The following AJAP1 variants were observed in gnomAD, a reference collection of about 807,000 sequenced individuals.
AJAP1 encodes the protein adherens junctions associated protein 1, also known as adherens junction-associated protein 1.
A neutral mutation model predicts 35.0 loss-of-function variants in AJAP1; 5 were observed. The observed-to-expected ratio is 0.14, with a 90% CI of 0.07 to 0.30. The LOEUF (loss-of-function observed/expected upper bound fraction) is 0.30, where lower values mean the gene tolerates loss of function less well. Ranked by LOEUF, AJAP1 falls within the 10% of genes least tolerant of loss-of-function variation. The probability of loss-of-function intolerance (pLI) is 1.00; values close to 1 mark genes in which losing one functional copy is unlikely to be tolerated. For synonymous variants in AJAP1, 284 were observed against 249.3 expected (o/e 1.14, Z -1.31); for missense variants, 586 against 571.0 (o/e 1.03, Z -0.27).
intron 1 of AJAP1, among the ~76,000 whole-genome samples, chr1:4,673,753 G>A (rs1272421788): frequency 2.0e-5 from 3 of 152,146 alleles, no homozygotes; most frequent in African/African-American, 7.2e-5. Context: ...TCTGGCTCTG[G>A]CTTGGTCAAT....
At position 4,712,043 on chromosome 1, in the gene AJAP1, C is replaced by T. The variant is rs766652336; in HGVS notation, c.173C>T (p.Pro58Leu). 2.5e-6 allele frequency: 4 copies of T among 1,588,800 alleles called. No homozygotes were observed. Among genetic ancestry groups the T allele is most frequent in the African/African-American group, 1.4e-5 (1 of 72,346 alleles). The change falls in exon 2 of 6, where the codon CCC (proline) becomes CTC (leucine). Residue 58 changes from proline (P) to leucine (L), a missense_variant. Pro to Leu is a moderately conservative substitution (Grantham distance 98). Transcript: ENST00000378191. ...TTCTGGCTCCTGCCGCGGTCGCCGC[C>T]CCGGCCGCCCCGGCTGTGGAGTTTT... is the stretch of plus-strand genomic sequence containing the variant. Reference protein sequence around the residue: ...PEFWLLPRSPPRPPRLWSFRS... With the variant: ...PEFWLLPRSPLRPPRLWSFRS...
rs775511396 is a variant in AJAP1, at chr1:4,712,213, G to A, written c.343G>A (p.Ala115Thr). 11 of 1,556,588 alleles carry A rather than the reference G, an allele frequency of 7.1e-6. No homozygotes were observed. The highest frequency in any genetic ancestry group is 2.4e-5 in the South Asian group (2 of 82,722). The stretch of plus-strand genomic sequence containing the variant: ...CCAGGCGGCCGCCCTCGTGCCCAAG[G>A]CAGGACTGGCCAAGCCCCCAGCTGC... ...RDQAAALVPK[A>T]GLAKPPAAAK... The change falls in exon 2 of 6, where the codon GCA (alanine) becomes ACA (threonine). Residue 115 changes from alanine (A) to threonine (T), a missense_variant. By Grantham distance (58) the Ala-to-Thr change is moderately conservative. Coordinates refer to ENST00000378191, the MANE Select transcript of AJAP1 (RefSeq NM_018836.4).
At chr1:4,717,119 A>C (rs2100275658) in intron 2 of AJAP1, among the ~76,000 whole-genome samples, 1 of 152,344 alleles carries the variant, frequency 6.6e-6, no homozygotes, top group East Asian at 1.9e-4. Context: ...ATCTGGAATC[A>C]CAGAGTCTCC....
At chr1:4,726,570 C>A (rs1431850549) in intron 2 of AJAP1, among the ~76,000 whole-genome samples, 1 of 151,978 alleles carries the variant, frequency 6.6e-6, no homozygotes, top group Admixed American at 6.5e-5. Context: ...TTCTGAACAC[C>A]CAGAGAAGGT....
chr1:4,697,109 A>G (rs977441660), intron 1 of AJAP1, among the ~76,000 whole-genome samples: 42 of 152,098 alleles, frequency 2.8e-4, no homozygotes, highest in African/African-American at 9.4e-4. Context: ...ATATGCATGT[A>G]TCACTCAGGT....
chr1:4,680,153 T>A lies in AJAP1; in HGVS notation c.29+24699T>A, dbSNP rs111271411. Among the ~76,000 whole-genome samples, 3 of 152,226 alleles carry A rather than the reference T, an allele frequency of 2.0e-5. No homozygotes were observed. In the East Asian group the frequency reaches 5.8e-4, roughly 29 times the overall value. On this transcript the variant is annotated intron_variant, in intron 1 of 5. Transcript: ENST00000378191. ...TGTCAGTCTTCTATCCAGGCCTTCA[T>A]CTGATTGGATGAAGCCCACCCACAT...
At chr1:4,658,714 G>C (rs1638937145) in intron 1 of AJAP1, among the ~76,000 whole-genome samples, 1 of 152,194 alleles carries the variant, frequency 6.6e-6, no homozygotes, top group Non-Finnish European at 1.5e-5. Context: ...TGGAGGAGCT[G>C]ATGGCAGACT....
intron 2 of AJAP1, among the ~76,000 whole-genome samples, chr1:4,746,332 A>T (rs906188296): frequency 7.2e-5 from 11 of 152,104 alleles, no homozygotes; most frequent in African/African-American, 2.7e-4. Flanking sequence ...GGCAATTGAG[A>T]TCCTTAGCTA....
At chr1:4,707,750 A>C (rs961872679) in intron 1 of AJAP1, among the ~76,000 whole-genome samples, 4 of 152,080 alleles carry the variant, frequency 2.6e-5, no homozygotes, top group African/African-American at 9.7e-5. Context: ...TCATGTGGAC[A>C]GATGTCTGTG....
intron 2 of AJAP1, among the ~76,000 whole-genome samples, chr1:4,760,153 C>T (rs1483843527): frequency 2.0e-5 from 3 of 151,994 alleles, no homozygotes; most frequent in Admixed American, 6.6e-5. Context: ...TTACACAAGC[C>T]AAAAATTCAG....
intron 2 of AJAP1, among the ~76,000 whole-genome samples, chr1:4,735,513 T>C (rs1269941847): frequency 6.6e-6 from 1 of 152,226 alleles, no homozygotes; most frequent in Admixed American, 6.5e-5. Flanking sequence ...AGCTTTATTC[T>C]GCCTGTGGCA....
At chr1:4,657,150 A>T (rs943300713) in intron 1 of AJAP1, among the ~76,000 whole-genome samples, 9 of 152,202 alleles carry the variant, frequency 5.9e-5, no homozygotes, top group African/African-American at 1.7e-4. Flanking sequence ...GTACATTTTG[A>T]TAAAGGGAGA....
chr1:4,729,102 C>T (rs1473446234), intron 2 of AJAP1, among the ~76,000 whole-genome samples: 1 of 152,234 alleles, frequency 6.6e-6, no homozygotes, highest in Non-Finnish European at 1.5e-5. Context: ...ATGAATTATA[C>T]ATCAACACCA....
At position 4,693,546 on chromosome 1, in the gene AJAP1, A is replaced by G. The variant is rs1297382518; in HGVS notation, c.30-18354A>G. Among the ~76,000 whole-genome samples the G allele has an allele frequency of 6.6e-6, 1 of 152,172 alleles. No individual in the cohort carries two copies. Among genetic ancestry groups the G allele is most frequent in the Non-Finnish European group, 1.5e-5 (1 of 68,026 alleles). On this transcript the variant is annotated intron_variant, in intron 1 of 5. Transcript: ENST00000378191. This position sits in a 1 kb window ranked among gnomAD's most constrained non-coding sequence, Gnocchi z 4.4. ...GGGGCTGACAGCCTGTGTTTTGGGC[A>G]TCAGGGGACTGGGAGCGGGAGGGGA...
chr1:4,669,547 G>A lies in AJAP1; in HGVS notation c.29+14093G>A, dbSNP rs529954991. Reference sequence around the variant, plus strand: ...GCACTCACTCACTATCACGAGAACAGCATGAGGGAAACCGCTCCCATGATC... The same window carrying A: ...GCACTCACTCACTATCACGAGAACAACATGAGGGAAACCGCTCCCATGATC... On this transcript the variant is annotated intron_variant, in intron 1 of 5. Transcript: ENST00000378191. 3.9e-5 allele frequency among the ~76,000 whole-genome samples: 6 copies of A among 152,258 alleles called. No homozygotes were observed. The South Asian group carries it at 8.3e-4, about 21-fold the overall frequency.
intron 1 of AJAP1, among the ~76,000 whole-genome samples, chr1:4,668,768 A>G (rs1208551712): frequency 6.6e-6 from 1 of 152,186 alleles, no homozygotes; most frequent in Non-Finnish European, 1.5e-5. Context: ...GGGCACATCC[A>G]GGGTTAATGC....
At chr1:4,667,050 G>C (rs899249025) in intron 1 of AJAP1, among the ~76,000 whole-genome samples, 4 of 152,114 alleles carry the variant, frequency 2.6e-5, no homozygotes, top group Non-Finnish European at 5.9e-5. Flanking sequence ...TCTGTGTCCT[G>C]GTGGAGCAGC....
At chr1:4,754,853 C>T (rs911184303) in intron 2 of AJAP1, among the ~76,000 whole-genome samples, 1 of 142,072 alleles carries the variant, frequency 7.0e-6, no homozygotes, top group Non-Finnish European at 1.6e-5. Context: ...CCTTCCTGCT[C>T]TCCCCTCATC....
chr1:4,717,165 A>G (rs1056067748), intron 2 of AJAP1, among the ~76,000 whole-genome samples: 1 of 152,204 alleles, frequency 6.6e-6, no homozygotes, highest in African/African-American at 2.4e-5. Flanking sequence ...CTGAGCTTTT[A>G]TCTTAAAACG....
Sources: gnomAD v4.1 joint callset for allele counts (sites outside exome capture counted in the v4.1 genomes callset) on GRCh38, gnomAD v4.1.1 for gene constraint, Gnocchi (gnomAD v3.1) non-coding constraint, MANE v1.5 for transcripts, NCBI Gene and HGNC (gene_info 2026-07-23, HGNC 2026-07-21) for gene names.